TNFSF4: variants seen among roughly 807,000 people sequenced by gnomAD.
TNFSF4 encodes the protein tumor necrosis factor ligand superfamily member 4.
TNFSF4 carries 4 observed loss-of-function variants against 7.3 expected under a neutral mutation model. That is an observed-to-expected ratio of 0.55 (90% CI 0.27 to 1.25). TNFSF4 has a LOEUF of 1.25. Among genes scored for constraint, TNFSF4 ranks in the 50% most tolerant of loss-of-function variants. The pLI is 0.12. For synonymous variants in TNFSF4, 76 were observed against 83.7 expected (o/e 0.91, Z 0.50); for missense variants, 181 against 208.8 (o/e 0.87, Z 0.82).
At chr1:173,283,844 C>A in the TNFSF4 span, among the ~76,000 whole-genome samples, 1 of 138,642 alleles carries the variant, frequency 7.2e-6, no homozygotes, top group African/African-American at 2.7e-5. Flanking sequence ...AAGACCAAAG[C>A]AAAGGAATGA....
At chr1:173,443,132 G>A in the TNFSF4 span, among the ~76,000 whole-genome samples, 5 of 152,138 alleles carry the variant, frequency 3.3e-5, no homozygotes, top group South Asian at 4.1e-4. Context: ...GGGCAGTACC[G>A]CTGGCCATGT....
chr1:173,249,136 G>A, the TNFSF4 span, among the ~76,000 whole-genome samples: 1 of 152,186 alleles, frequency 6.6e-6, no homozygotes, highest in Non-Finnish European at 1.5e-5. Flanking sequence ...GAAGACCAGA[G>A]TTAAGGATGA....
the TNFSF4 span, among the ~76,000 whole-genome samples, chr1:173,390,048 C>T: frequency 0.64 from 97,012 of 151,932 alleles, 31,145 homozygotes; most frequent in Admixed American, 0.69. Flanking sequence ...AGAGATTTTG[C>T]GTATGCTACT....
chr1:173,246,715 TC>T, the TNFSF4 span, among the ~76,000 whole-genome samples: 1 of 152,358 alleles, frequency 6.6e-6, no homozygotes, highest in African/African-American at 2.4e-5. Context: ...GATCTTTTTT[TC>T]CTCTCAGATC....
At chr1:173,356,730 T>C in the TNFSF4 span, among the ~76,000 whole-genome samples, 2 of 152,226 alleles carry the variant, frequency 1.3e-5, no homozygotes, top group African/African-American at 2.4e-5. Context: ...GGTTGCCAAT[T>C]GCCTTTGAGA....
the TNFSF4 span, among the ~76,000 whole-genome samples, chr1:173,355,156 C>A: frequency 6.6e-6 from 1 of 152,320 alleles, no homozygotes; most frequent in East Asian, 1.9e-4. Flanking sequence ...TTTGTCATCA[C>A]ATAACTCTTT....
chr1:173,201,889 A>G (rs1220178790), intron 1 of TNFSF4, among the ~76,000 whole-genome samples: 1 of 152,144 alleles, frequency 6.6e-6, no homozygotes, highest in Non-Finnish European at 1.5e-5. Flanking sequence ...CTTTCCACCT[A>G]CAACTCAGCT....
chr1:173,220,139 T>A, the TNFSF4 span, among the ~76,000 whole-genome samples: 1 of 152,240 alleles, frequency 6.6e-6, no homozygotes. Flanking sequence ...CAGTAGAAAC[T>A]CAGCAACCTT....
chr1:173,303,114 C>T, the TNFSF4 span, among the ~76,000 whole-genome samples: 1 of 151,894 alleles, frequency 6.6e-6, no homozygotes, highest in Non-Finnish European at 1.5e-5. Context: ...GTCAGAGCCA[C>T]ACTCTCTTAC....
the TNFSF4 span, among the ~76,000 whole-genome samples, chr1:173,421,794 T>C: frequency 6.6e-6 from 1 of 152,232 alleles, no homozygotes; most frequent in Non-Finnish European, 1.5e-5. Context: ...TCCCAATTTG[T>C]TCTTCTGGCT....
the TNFSF4 span, among the ~76,000 whole-genome samples, chr1:173,218,406 C>T: frequency 6.6e-6 from 1 of 152,112 alleles, no homozygotes; most frequent in Non-Finnish European, 1.5e-5. Context: ...CTCAGTACAC[C>T]ATTTCAAGGG....
At chr1:173,380,481 C>T in the TNFSF4 span, among the ~76,000 whole-genome samples, 13 of 152,090 alleles carry the variant, frequency 8.5e-5, no homozygotes, top group Admixed American at 1.3e-4. Context: ...CTGAGTCACC[C>T]GAACAGCTCC....
In TNFSF4 at chr1:173,184,472, G is replaced by C. The variant is rs945586160; in HGVS notation, c.*2044C>G. 1 of 152,164 alleles carries C rather than the reference G, an allele frequency of 6.6e-6. No individual in the cohort carries two copies. The highest frequency in any genetic ancestry group is 1.5e-5 in the Non-Finnish European group (1 of 68,056). 9.4% of individuals were successfully genotyped at this position (152,164 alleles called of 1,614,324 possible). A position where few individuals can be genotyped will look rare whatever the true frequency, so the allele number is the denominator to read the frequency against. ...GGCCAGGTGCACCCAAAGCGAGTGA[G>C]CACCTAAGAGAGGGGACCATGACAT... On this transcript the variant is annotated 3_prime_UTR_variant, in exon 3 of 3. Coordinates refer to ENST00000281834, the MANE Select transcript of TNFSF4 (RefSeq NM_003326.5).
the TNFSF4 span, among the ~76,000 whole-genome samples, chr1:173,301,726 A>C: frequency 6.6e-6 from 1 of 151,816 alleles, no homozygotes; most frequent in African/African-American, 2.4e-5. Flanking sequence ...ACTATGCTTC[A>C]TTTGATCCAA....
chr1:173,345,879 A>G, the TNFSF4 span, among the ~76,000 whole-genome samples: 14,981 of 152,204 alleles, frequency 0.098, 865 homozygotes, highest in East Asian at 0.27. Flanking sequence ...GACTCGGTGC[A>G]ATCCCACTGG....
the TNFSF4 span, among the ~76,000 whole-genome samples, chr1:173,258,051 A>G: frequency 1.3e-5 from 2 of 152,202 alleles, no homozygotes; most frequent in Non-Finnish European, 2.9e-5. Flanking sequence ...TCACTCTTAT[A>G]TCACTTGGGA....
At chr1:173,206,938 G>T in intron 1 of TNFSF4, 86 bp downstream of exon 1, 1 of 1,454,244 alleles carries the variant, frequency 6.9e-7, no homozygotes, top group Non-Finnish European at 9.2e-7. Context: ...TTTGGCATAA[G>T]ATTATTTCCA....
At chr1:173,205,366 T>G in intron 1 of TNFSF4, 1 of 1,611,684 alleles carries the variant, frequency 6.2e-7, no homozygotes, top group East Asian at 2.2e-5. Flanking sequence ...ACAGCTTTCC[T>G]TCTGTCCCAG....
chr1:173,307,901 T>G, the TNFSF4 span, among the ~76,000 whole-genome samples: 1 of 151,924 alleles, frequency 6.6e-6, no homozygotes, highest in Non-Finnish European at 1.5e-5. Flanking sequence ...TCTCGTGTTT[T>G]TTACAACCCT....
Sources: gnomAD v4.1 joint callset for allele counts (sites outside exome capture counted in the v4.1 genomes callset) on GRCh38, gnomAD v4.1.1 for gene constraint, MANE v1.5 for transcripts, NCBI Gene and HGNC (gene_info 2026-07-23, HGNC 2026-07-21) for gene names.